ADAMTS14: variants seen among roughly 807,000 people sequenced by gnomAD.
ADAMTS14 encodes ADAM metallopeptidase with thrombospondin type 1 motif 14.
ADAMTS14 carries 100 observed loss-of-function variants against 128.6 expected under a neutral mutation model. The observed-to-expected ratio is 0.78, with a 90% CI of 0.66 to 0.92. ADAMTS14 has a LOEUF of 0.92. Among genes scored for constraint, ADAMTS14 ranks in the 40% least tolerant of loss-of-function variants. The pLI, the probability that ADAMTS14 is intolerant of heterozygous loss-of-function variation, is 0.00. For synonymous variants in ADAMTS14, 665 were observed against 653.8 expected (o/e 1.02, Z -0.26); for missense variants, 1,562 against 1,658.6 (o/e 0.94, Z 1.01).
At chr10:70,718,289 C>CT (rs1263244757) in intron 4 of ADAMTS14, among the ~76,000 whole-genome samples, 1 of 152,100 alleles carries the variant, frequency 6.6e-6, no homozygotes, top group Non-Finnish European at 1.5e-5. Context: ...TTTTATGTCT[C>CT]TTCCCCAAAA....
chr10:70,754,803 G>T (rs1564561219), intron 19 of ADAMTS14, among the ~76,000 whole-genome samples: 1 of 152,222 alleles, frequency 6.6e-6, no homozygotes, highest in Non-Finnish European at 1.5e-5. Context: ...TGACGGTGCT[G>T]TGGAAGGTTG....
Position 70,672,773 on chromosome 10 carries a change from C to A in ADAMTS14, c.-30C>A. The A allele has an allele frequency of 6.7e-7, 1 of 1,491,938 alleles. No homozygotes were observed. The highest frequency in any genetic ancestry group is 8.9e-7 in the Non-Finnish European group (1 of 1,125,584). 92.4% of individuals were successfully genotyped at this position (1,491,938 alleles called of 1,614,324 possible). A position where few individuals can be genotyped will look rare whatever the true frequency, so the allele number is the denominator to read the frequency against. ...CAGCCTGGGACTTGGGGATCGGGCGCTTGCCCAGCCCGCGTCCCAGCGCGG... is the reference window on the plus strand; with the variant it reads ...CAGCCTGGGACTTGGGGATCGGGCGATTGCCCAGCCCGCGTCCCAGCGCGG... On this transcript the variant is annotated 5_prime_UTR_variant, in exon 1 of 22. Coordinates refer to ENST00000373207, the MANE Select transcript of ADAMTS14 (RefSeq NM_080722.4).
intron 9 of ADAMTS14, among the ~76,000 whole-genome samples, chr10:70,736,256 C>T (rs1278109780): frequency 2.7e-5 from 3 of 110,390 alleles, no homozygotes; most frequent in East Asian, 6.0e-4. Flanking sequence ...GTCCCAGCCT[C>T]GTTGGAGTGC....
rs147532816 is a variant in ADAMTS14, at chr10:70,675,033, C to G, written c.522+38C>G. 4,841 of 1,593,472 alleles carry G rather than the reference C, an allele frequency of 3.0e-3. 15 individuals carry two copies. Among genetic ancestry groups the G allele is most frequent in the Non-Finnish European group, 3.7e-3 (4,285 of 1,171,502 alleles). ...ACTTTCATTAAGCTGCATCCTCCCCCTCCCATGCCCTGCTCACATGGTTTT... is the reference window on the plus strand; with the variant it reads ...ACTTTCATTAAGCTGCATCCTCCCCGTCCCATGCCCTGCTCACATGGTTTT... On this transcript the variant is annotated intron_variant, in intron 2 of 21. Transcript: ENST00000373207.
intron 9 of ADAMTS14, 93 bp from the exon 10 acceptor site, chr10:70,736,587 C>A: frequency 8.5e-7 from 1 of 1,183,302 alleles, no homozygotes; most frequent in Non-Finnish European, 1.2e-6. Flanking sequence ...TGGGTGCCTG[C>A]ACTCATCACA....
Position 70,676,130 on chromosome 10 carries a change from GTT to G in ADAMTS14, c.522+1149_522+1150del, listed in dbSNP as rs199934836. 2.9e-3 allele frequency among the ~76,000 whole-genome samples: 423 copies of G among 143,934 alleles called. 1 individual carries two copies. Among genetic ancestry groups the G allele is most frequent in the African/African-American group, 9.7e-3 (381 of 39,134 alleles). The allele number at this position is 143,934 out of a possible 152,430, so 94.4% of individuals were successfully genotyped here. On this transcript the variant is annotated intron_variant, in intron 2 of 21. Transcript: ENST00000373207. ...AATCATCAGTCTACCCCACGATGAG[GTT>G]TTTTTTTTTTTTTAGAGGTGGATTT... is the stretch of plus-strand genomic sequence containing the variant.
intron 11 of ADAMTS14, among the ~76,000 whole-genome samples, chr10:70,740,606 A>T (rs780779919): frequency 2.0e-5 from 3 of 152,154 alleles, no homozygotes; most frequent in Admixed American, 1.3e-4. Flanking sequence ...TGAGTCGTTT[A>T]TGGGGGCCTG....
chr10:70,717,646 G>T (rs1364529149), intron 4 of ADAMTS14, among the ~76,000 whole-genome samples: 2 of 152,208 alleles, frequency 1.3e-5, no homozygotes, highest in Non-Finnish European at 2.9e-5. Context: ...TGGACATGGG[G>T]ATATTGGGGA....
intron 2 of ADAMTS14, among the ~76,000 whole-genome samples, chr10:70,698,389 A>G (rs1440999137): frequency 1.3e-5 from 2 of 152,216 alleles, no homozygotes; most frequent in South Asian, 4.1e-4. Flanking sequence ...CAGCCAGTCT[A>G]TGCTGTGTGG....
At chr10:70,737,315 G>A (rs923189241) in intron 10 of ADAMTS14, among the ~76,000 whole-genome samples, 4 of 152,124 alleles carry the variant, frequency 2.6e-5, no homozygotes, top group Non-Finnish European at 4.4e-5. Context: ...TCATTTGCCC[G>A]GGGGACCCCG....
chr10:70,753,997 C>A lies in ADAMTS14; in HGVS notation c.2927C>A (p.Ala976Asp), dbSNP rs1212576316. ...VPCPAQWRLG[A>D]WSQCSATCGE... ...TGCCCAGCCCAGTGGAGGCTGGGAG[C>A]CTGGTCCCAGGTGACTTGTCCTCAG... The change falls in exon 19 of 22, where the codon GCC becomes GAC. Residue 976 changes from alanine to aspartate, a missense_variant. Transcript: ENST00000373207. 1.9e-6 allele frequency: 3 copies of A among 1,563,788 alleles called. No individual in the cohort carries two copies. In the East Asian group the frequency reaches 7.1e-5, roughly 37 times the overall value.
intron 1 of ADAMTS14, 97 bp from the exon 2 acceptor site, chr10:70,674,459 T>G: frequency 1.3e-5 from 17 of 1,270,272 alleles, no homozygotes; most frequent in African/African-American, 3.0e-5. Context: ...AGGGTGACAC[T>G]GAGAGTTCCT....
chr10:70,697,668 T>TG (rs1312526462), intron 2 of ADAMTS14, among the ~76,000 whole-genome samples: 1 of 152,230 alleles, frequency 6.6e-6, no homozygotes, highest in Non-Finnish European at 1.5e-5. Flanking sequence ...CCGCTGCACT[T>TG]GCTCAGTTGT....
At chr10:70,723,333 A>G (rs1841329222) in intron 4 of ADAMTS14, among the ~76,000 whole-genome samples, 1 of 152,182 alleles carries the variant, frequency 6.6e-6, no homozygotes, top group African/African-American at 2.4e-5. Context: ...GGCACCCTGG[A>G]TGGGACCAGG....
At chr10:70,681,362 G>C (rs957963631) in intron 2 of ADAMTS14, among the ~76,000 whole-genome samples, 3 of 152,150 alleles carry the variant, frequency 2.0e-5, no homozygotes, top group South Asian at 2.1e-4. Context: ...CTGTAGGGAA[G>C]GAAATCCTGT....
intron 6 of ADAMTS14, among the ~76,000 whole-genome samples, chr10:70,731,273 A>C (rs1029631592): frequency 3.3e-5 from 5 of 152,200 alleles, no homozygotes; most frequent in Non-Finnish European, 1.5e-5. Flanking sequence ...ACAGGCACTC[A>C]CATAGACACA....
At chr10:70,744,236 C>T (rs1258519361) in intron 14 of ADAMTS14, 47 bp downstream of exon 14, 4 of 1,470,764 alleles carry the variant, frequency 2.7e-6, no homozygotes, top group Non-Finnish European at 2.7e-6. Flanking sequence ...GACTGGAGTT[C>T]TTGCCGTCCC....
At chr10:70,732,674 G>T (rs1042022216) in intron 7 of ADAMTS14, among the ~76,000 whole-genome samples, 1 of 152,168 alleles carries the variant, frequency 6.6e-6, no homozygotes, top group Non-Finnish European at 1.5e-5. Flanking sequence ...CCCATCACAC[G>T]CAGAGGCCTG....
chr10:70,733,786 G>A, intron 7 of ADAMTS14, 99 bp from the exon 8 acceptor site: 2 of 1,441,664 alleles, frequency 1.4e-6, no homozygotes, highest in Non-Finnish European at 1.9e-6. Context: ...TGAGCTCCGG[G>A]TCAGGTCAGG....
Sources: allele counts gnomAD v4.1 joint callset (sites outside exome capture counted in the v4.1 genomes callset), GRCh38; gene constraint gnomAD v4.1.1; transcripts MANE v1.5; gene names NCBI Gene and HGNC (gene_info 2026-07-23, HGNC 2026-07-21).